Variants in ATXN10 observed in about 807,000 individuals in gnomAD.
The protein encoded by ATXN10 is ataxin-10.
ATXN10 carries 28 observed loss-of-function variants against 52.9 expected under a neutral mutation model. The observed-to-expected ratio is 0.53, with a 90% CI of 0.39 to 0.73. The LOEUF is 0.73. Among genes scored for constraint, ATXN10 ranks in the 30% least tolerant of loss-of-function variants. The pLI, the probability that ATXN10 is intolerant of heterozygous loss-of-function variation, is 0.00. For missense variants in ATXN10, 565 were observed against 577.0 expected (o/e 0.98, Z 0.21); for synonymous variants, 226 against 221.5 (o/e 1.02, Z -0.18).
Position 45,784,648 on chromosome 22 carries a change from G to C in ATXN10, c.1174-22311G>C, listed in dbSNP as rs949891672. On this transcript the variant is annotated intron_variant, in intron 9 of 11. Coordinates refer to ENST00000252934, the MANE Select transcript of ATXN10 (RefSeq NM_013236.4). This position sits in a 1 kb window ranked among gnomAD's most constrained non-coding sequence, Gnocchi z 4.2. ...GCTCGCCTGTCGACCCCCTCCCTGT[G>C]CCCAGAGGACACACAGCTTAGAGCA... 1.3e-5 allele frequency among the ~76,000 whole-genome samples: 2 copies of C among 152,216 alleles called. No homozygotes were observed. The highest frequency in any genetic ancestry group is 2.9e-5 in the Non-Finnish European group (2 of 68,014).
chr22:45,729,806 T>G (rs1189136849), intron 7 of ATXN10: 2 of 608,682 alleles, frequency 3.3e-6, no homozygotes, highest in Non-Finnish European at 6.0e-6. Context: ...TTCTGGTTAA[T>G]TTTCTAGACA....
At chr22:45,686,047 A>T (rs1923122452) in intron 1 of ATXN10, among the ~76,000 whole-genome samples, 2 of 152,202 alleles carry the variant, frequency 1.3e-5, no homozygotes, top group Admixed American at 1.3e-4. Flanking sequence ...AAAATCTGAC[A>T]CGTTTTTAAG....
At chr22:45,751,763 A>AAAAAAAAATAAT in intron 9 of ATXN10, among the ~76,000 whole-genome samples, 9 of 66,608 alleles carry the variant, frequency 1.4e-4, no homozygotes, top group East Asian at 6.1e-4. Flanking sequence ...AATAAAAAAA[A>AAAAAAAAATAAT]AATAATAATA....
Position 45,770,773 on chromosome 22 carries a change from G to T in ATXN10, c.1173+30235G>T, listed in dbSNP as rs135984. Among the ~76,000 whole-genome samples the T allele has an allele frequency of 6.6e-6, 1 of 152,244 alleles. No individual in the cohort carries two copies. The highest frequency in any genetic ancestry group is 2.4e-5 in the African/African-American group (1 of 41,468). ...GGAGCTAAGGGCAGGATCCAGCCACGTCACATTCTCCATGCCTTGCTGGGA... is the reference window on the plus strand; with the variant it reads ...GGAGCTAAGGGCAGGATCCAGCCACTTCACATTCTCCATGCCTTGCTGGGA... On this transcript the variant is annotated intron_variant, in intron 9 of 11. Coordinates refer to ENST00000252934, the MANE Select transcript of ATXN10 (RefSeq NM_013236.4). The surrounding 1 kb of genome is among the most constrained non-coding windows in gnomAD (Gnocchi z 4.5).
chr22:45,797,503 A>G (rs757907092), intron 9 of ATXN10, among the ~76,000 whole-genome samples: 17 of 152,244 alleles, frequency 1.1e-4, no homozygotes, highest in Middle Eastern at 3.2e-3. Flanking sequence ...AAATATTTTG[A>G]ACTGAATAAA....
chr22:45,752,407 A>G lies in ATXN10; in HGVS notation c.1173+11869A>G, dbSNP rs76857457. ...TATAAATGGCTCTACTTGGAACTTCAGGAAGAACCTCCTGGATCCAGGCCT... is the reference window on the plus strand; with the variant it reads ...TATAAATGGCTCTACTTGGAACTTCGGGAAGAACCTCCTGGATCCAGGCCT... On this transcript the variant is annotated intron_variant, in intron 9 of 11. Transcript: ENST00000252934. Among the ~76,000 whole-genome samples, 1,419 of 152,322 alleles carry G rather than the reference A, an allele frequency of 9.3e-3. 18 individuals are homozygous for G. Among genetic ancestry groups the G allele is most frequent in the African/African-American group, 0.032 (1,349 of 41,564 alleles).
In ATXN10 at chr22:45,804,646, C is replaced by A. The variant is rs866330980; in HGVS notation, c.1174-2313C>A. On this transcript the variant is annotated intron_variant, in intron 9 of 11. Transcript: ENST00000252934. ...TCACTAGGGATGTAAAGTCAAAATA[C>A]TGTTTAATTCTGAAAAGAACTTTAT... 7.9e-5 allele frequency among the ~76,000 whole-genome samples: 12 copies of A among 152,160 alleles called. 1 individual carries two copies. The highest frequency in any genetic ancestry group is 2.9e-5 in the Non-Finnish European group (2 of 68,024).
Position 45,729,585 on chromosome 22 carries a change from G to T in ATXN10, c.889G>T (p.Asp297Tyr). Residue 297 changes from aspartate to tyrosine, a missense_variant, in exon 7 of 12, where the codon GAT becomes TAT. Coordinates refer to ENST00000252934, the MANE Select transcript of ATXN10 (RefSeq NM_013236.4). The part of the protein sequence containing the change: ...LKLASEEPPD[D>Y]EEALATIRLL... ...GCTGGCCTCTGAGGAGCCTCCTGAT[G>T]ATGAGGTAAGGGAGGCAGATTTCCC... 6.2e-7 allele frequency: 1 copy of T among 1,614,094 alleles called. No homozygotes were observed. Among genetic ancestry groups the T allele is most frequent in the Non-Finnish European group, 8.5e-7 (1 of 1,179,996 alleles).
At chr22:45,814,167 G>A (rs562252106) in intron 10 of ATXN10, among the ~76,000 whole-genome samples, 22 of 152,188 alleles carry the variant, frequency 1.4e-4, no homozygotes, top group Non-Finnish European at 2.8e-4. Context: ...CGTTTCTTAA[G>A]GCACACAAAG....
chr22:45,710,785 A>G (rs1924215264), intron 5 of ATXN10, among the ~76,000 whole-genome samples: 1 of 152,220 alleles, frequency 6.6e-6, no homozygotes, highest in South Asian at 2.1e-4. Context: ...TGCAAAGCTT[A>G]AAGTATTTCC....
chr22:45,742,681 T>C (rs1264832515), intron 9 of ATXN10, among the ~76,000 whole-genome samples: 1 of 152,202 alleles, frequency 6.6e-6, no homozygotes, highest in Admixed American at 6.5e-5. Context: ...TTTAGGATGC[T>C]AAATGTTAGG....
rs1311366328 is a variant in ATXN10 at position 45,825,314 on chromosome 22, C to T, written c.1238-17677C>T. Among the ~76,000 whole-genome samples, 2 of 152,106 alleles carry T rather than the reference C, an allele frequency of 1.3e-5. No homozygotes were observed. Among genetic ancestry groups the T allele is most frequent in the African/African-American group, 4.8e-5 (2 of 41,402 alleles). On this transcript the variant is annotated intron_variant, in intron 10 of 11. Coordinates refer to ENST00000252934, the MANE Select transcript of ATXN10 (RefSeq NM_013236.4). The surrounding 1 kb of genome is among the most constrained non-coding windows in gnomAD (Gnocchi z 4.5). ...ATTTAAAAGGCCAGCACCCTTTTTC[C>T]CTCTTCCCTTTATTTTTCTTTTGCA...
At position 45,693,074 on chromosome 22, in the gene ATXN10, G is replaced by A. The variant is rs754591970; in HGVS notation, c.387G>A (p.Leu129=). 1 of 1,613,108 alleles carries A rather than the reference G, an allele frequency of 6.2e-7. No homozygotes were observed. ...RELRVEQESL[L]TAFRCGLQFL... is the part of the protein sequence containing the mutation. ...TGCGAGTGGAACAGGAATCTCTGTT[G>A]ACAGGTAGCATGCAATATAATTCAT... The change falls in exon 3 of 12, where the codon TTG becomes TTA. Residue 129 remains leucine, a synonymous_variant. Transcript: ENST00000252934.
chr22:45,717,570 A>G (rs1218981460), intron 5 of ATXN10, among the ~76,000 whole-genome samples: 1 of 152,208 alleles, frequency 6.6e-6, no homozygotes, highest in African/African-American at 2.4e-5. Context: ...CTGTAGAGGA[A>G]ATAGAATATG....
intron 10 of ATXN10, among the ~76,000 whole-genome samples, chr22:45,838,983 G>C (rs1929258082): frequency 6.6e-6 from 1 of 152,232 alleles, no homozygotes; most frequent in Non-Finnish European, 1.5e-5. Flanking sequence ...CTTAGAGGGG[G>C]CAGTGGAGCA....
intron 9 of ATXN10, among the ~76,000 whole-genome samples, chr22:45,746,086 T>C (rs1374490409): frequency 6.6e-6 from 1 of 152,104 alleles, no homozygotes; most frequent in Admixed American, 6.6e-5. Context: ...ATCTGTATTG[T>C]ATAATATTTG....
In ATXN10 at chr22:45,733,679, C is replaced by T. The variant is rs1179871698; in HGVS notation, c.894+4089C>T. Among the ~76,000 whole-genome samples, 1 of 151,866 alleles carries T rather than the reference C, an allele frequency of 6.6e-6. No homozygotes were observed. On this transcript the variant is annotated intron_variant, in intron 7 of 11. Coordinates refer to ENST00000252934, the MANE Select transcript of ATXN10 (RefSeq NM_013236.4). The surrounding 1 kb of genome is among the most constrained non-coding windows in gnomAD (Gnocchi z 4.4). The stretch of plus-strand genomic sequence containing the variant: ...GGCGGAGGCAGAGAATCACGTGAAC[C>T]CGGGAGGCGGAGGTTGCTGTGAACT...
In ATXN10 at chr22:45,825,948, G is replaced by A. The variant is rs982792486; in HGVS notation, c.1238-17043G>A. 6.6e-6 allele frequency among the ~76,000 whole-genome samples: 1 copy of A among 152,116 alleles called. No individual in the cohort carries two copies. The highest frequency in any genetic ancestry group is 2.4e-5 in the African/African-American group (1 of 41,426). Reference sequence around the variant, plus strand: ...GTGGTGGTGTGCACCTGTAGTCCCAGCTACTTGGGAGGCTGAGGTGGGAGG... The same window carrying A: ...GTGGTGGTGTGCACCTGTAGTCCCAACTACTTGGGAGGCTGAGGTGGGAGG... On this transcript the variant is annotated intron_variant, in intron 10 of 11. Transcript: ENST00000252934. The surrounding 1 kb of genome is among the most constrained non-coding windows in gnomAD (Gnocchi z 4.5).
chr22:45,807,632 T>C (rs1335199913), intron 10 of ATXN10, among the ~76,000 whole-genome samples: 2 of 152,226 alleles, frequency 1.3e-5, no homozygotes, highest in Non-Finnish European at 2.9e-5. Context: ...CCTGCTTTTT[T>C]CCTACCAGTT....
Sources: allele counts gnomAD v4.1 joint callset (sites outside exome capture counted in the v4.1 genomes callset), GRCh38; gene constraint gnomAD v4.1.1; non-coding constraint Gnocchi (gnomAD v3.1); transcripts MANE v1.5; gene names NCBI Gene and HGNC (gene_info 2026-07-23, HGNC 2026-07-21).